Variants in CACNB2 observed in about 807,000 individuals in gnomAD.
The protein encoded by CACNB2 is calcium voltage-gated channel auxiliary subunit beta 2.
CACNB2 carries 42 observed loss-of-function variants against 73.3 expected under a neutral mutation model. The ratio of observed to expected loss-of-function variants is 0.57; its 90% confidence interval spans 0.45 to 0.74. CACNB2 has a LOEUF of 0.74. Ranked by LOEUF, CACNB2 falls within the 30% of genes least tolerant of loss-of-function variation. The probability of loss-of-function intolerance (pLI) is 0.00; values close to 1 mark genes in which losing one functional copy is unlikely to be tolerated. For missense variants in CACNB2, 940 were observed against 853.0 expected, an observed-to-expected ratio of 1.10 and a Z score of -1.27; for synonymous variants, 348 against 310.3, an observed-to-expected ratio of 1.12 and a Z score of -1.28.
chr10:18,498,738 A>G, intron 4 of CACNB2: 1 of 450,222 alleles, frequency 2.2e-6, no homozygotes, highest in Non-Finnish European at 4.1e-6. Context: ...GCTAGAGTAG[A>G]TGATCCTTTT....
intron 2 of CACNB2, among the ~76,000 whole-genome samples, chr10:18,237,186 G>C (rs141423800): frequency 2.8e-4 from 42 of 152,226 alleles, no homozygotes; most frequent in African/African-American, 9.9e-4. Flanking sequence ...TGGTGTTCTG[G>C]GTTGAATTGT....
rs902470923 is a variant in CACNB2, at chr10:18,204,429, C to A, written c.213+53454C>A. On this transcript the variant is annotated intron_variant, in intron 2 of 13. Transcript: ENST00000324631. ...TAGATGTGAATTGTGCCTTTGTTAA[C>A]CAGGCTATTTGAAATATCAGTGGGA... Among the ~76,000 whole-genome samples the A allele has an allele frequency of 2.0e-5, 3 of 152,208 alleles. No homozygotes were observed. In the East Asian group the frequency reaches 5.8e-4, roughly 29 times the overall value.
At chr10:18,218,455 T>C (rs540135196) in intron 2 of CACNB2, among the ~76,000 whole-genome samples, 1 of 152,330 alleles carries the variant, frequency 6.6e-6, no homozygotes, top group East Asian at 1.9e-4. Context: ...ATTTTTATTC[T>C]GTAGATAAGA....
chr10:18,503,525 G>A (rs923893735), intron 5 of CACNB2, among the ~76,000 whole-genome samples: 1 of 152,204 alleles, frequency 6.6e-6, no homozygotes, highest in Non-Finnish European at 1.5e-5. Context: ...CAACTTGGAA[G>A]GCGGAGGTTG....
chr10:18,198,164 G>T (rs28636078), intron 2 of CACNB2, among the ~76,000 whole-genome samples: 1 of 147,164 alleles, frequency 6.8e-6, no homozygotes, highest in East Asian at 2.0e-4. Flanking sequence ...CATATTACAT[G>T]TATGTAATAT....
intron 2 of CACNB2, chr10:18,340,798 G>A (rs2041201508): frequency 6.3e-7 from 1 of 1,598,012 alleles, no homozygotes; most frequent in East Asian, 2.2e-5. Context: ...AAGCCAGCAA[G>A]AAAAAGGAAA....
intron 2 of CACNB2, among the ~76,000 whole-genome samples, chr10:18,359,088 C>T (rs534548642): frequency 6.6e-6 from 1 of 151,934 alleles, no homozygotes; most frequent in African/African-American, 2.4e-5. Context: ...GTTTTAATAA[C>T]CACTGAAATA....
intron 3 of CACNB2, among the ~76,000 whole-genome samples, chr10:18,402,970 G>A (rs2044087095): frequency 6.6e-6 from 1 of 152,210 alleles, no homozygotes; most frequent in African/African-American, 2.4e-5. Context: ...GGGAATTGTG[G>A]TTAGGAGATT....
At chr10:18,163,621 G>A (rs965064004) in intron 2 of CACNB2, among the ~76,000 whole-genome samples, 1 of 152,200 alleles carries the variant, frequency 6.6e-6, no homozygotes, top group Non-Finnish European at 1.5e-5. Flanking sequence ...TTCGTATTGA[G>A]CATATATCAA....
chr10:18,512,418 G>A (rs2050854887), intron 6 of CACNB2, among the ~76,000 whole-genome samples: 1 of 152,078 alleles, frequency 6.6e-6, no homozygotes, highest in Non-Finnish European at 1.5e-5. Context: ...TTGGCCTTGT[G>A]TATGACTCCT....
chr10:18,146,065 T>C (rs1022835393), intron 1 of CACNB2, among the ~76,000 whole-genome samples: 10 of 152,102 alleles, frequency 6.6e-5, no homozygotes, highest in African/African-American at 1.9e-4. Flanking sequence ...AACTGAGCCA[T>C]ATTATAAAAG....
chr10:18,209,907 T>C (rs923978386), intron 2 of CACNB2, among the ~76,000 whole-genome samples: 3 of 152,200 alleles, frequency 2.0e-5, no homozygotes, highest in African/African-American at 4.8e-5. Context: ...TCAGATAGTT[T>C]GTCATTGACA....
At chr10:18,499,203 G>A (rs898970947) in intron 4 of CACNB2, among the ~76,000 whole-genome samples, 2 of 152,096 alleles carry the variant, frequency 1.3e-5, no homozygotes, top group Non-Finnish European at 2.9e-5. Flanking sequence ...TGGACCTGAA[G>A]GAATTTATAC....
At chr10:18,286,823 T>C (rs910266240) in intron 2 of CACNB2, among the ~76,000 whole-genome samples, 1 of 152,196 alleles carries the variant, frequency 6.6e-6, no homozygotes, top group African/African-American at 2.4e-5. Context: ...CCAGTATTCA[T>C]ATTTTAAAGC....
chr10:18,296,988 C>T (rs1298516136), intron 2 of CACNB2, among the ~76,000 whole-genome samples: 2 of 152,180 alleles, frequency 1.3e-5, no homozygotes, highest in East Asian at 1.9e-4. Context: ...TTTTTTAAAA[C>T]AACATGTAAA....
chr10:18,487,588 A>G (rs1231262373), intron 3 of CACNB2, among the ~76,000 whole-genome samples: 2 of 152,096 alleles, frequency 1.3e-5, no homozygotes, highest in Non-Finnish European at 2.9e-5. Context: ...TTATCCCAGC[A>G]CTTTGGGAGA....
chr10:18,174,027 T>C (rs2033421581), intron 2 of CACNB2, among the ~76,000 whole-genome samples: 1 of 152,172 alleles, frequency 6.6e-6, no homozygotes, highest in African/African-American at 2.4e-5. Flanking sequence ...AGAGGATTCA[T>C]TCTGTAAGAG....
chr10:18,344,237 G>A (rs1257115083), intron 2 of CACNB2, among the ~76,000 whole-genome samples: 1 of 152,102 alleles, frequency 6.6e-6, no homozygotes, highest in Non-Finnish European at 1.5e-5. Context: ...ACATGGAGAT[G>A]CTGGCTTCAG....
chr10:18,365,941 G>A (rs1350595795), intron 2 of CACNB2, among the ~76,000 whole-genome samples: 1 of 152,186 alleles, frequency 6.6e-6, no homozygotes, highest in Non-Finnish European at 1.5e-5. Flanking sequence ...AGGAATTCCA[G>A]GAAGTTTCTG....
Sources: allele counts gnomAD v4.1 joint callset (sites outside exome capture counted in the v4.1 genomes callset), GRCh38; gene constraint gnomAD v4.1.1; transcripts MANE v1.5; gene names NCBI Gene and HGNC (gene_info 2026-07-23, HGNC 2026-07-21).